The following GOLM1 variants were observed in gnomAD, a reference collection of about 807,000 sequenced individuals.
The protein encoded by GOLM1 is epididymis luminal protein 46.
A neutral mutation model predicts 50.5 loss-of-function variants in GOLM1; 31 were observed. The ratio of observed to expected loss-of-function variants is 0.61; its 90% confidence interval spans 0.46 to 0.83. The LOEUF (loss-of-function observed/expected upper bound fraction) is 0.83, where lower values mean the gene tolerates loss of function less well. Among genes scored for constraint, GOLM1 ranks in the 40% least tolerant of loss-of-function variants. The pLI, the probability that GOLM1 is intolerant of heterozygous loss-of-function variation, is 0.00. For missense variants in GOLM1, 491 were observed against 501.3 expected (o/e 0.98, Z 0.20); for synonymous variants, 178 against 192.8 (o/e 0.92, Z 0.64).
intron 3 of GOLM1, among the ~76,000 whole-genome samples, chr9:86,073,362 C>T (rs1417809469): frequency 6.6e-6 from 1 of 152,068 alleles, no homozygotes; most frequent in African/African-American, 2.4e-5. Context: ...TTCATAAGCT[C>T]GCAGGTGGTT....
chr9:86,051,577 T>A (rs1833753744), intron 4 of GOLM1, among the ~76,000 whole-genome samples: 1 of 152,186 alleles, frequency 6.6e-6, no homozygotes, highest in South Asian at 2.1e-4. Context: ...CAAACTAGTC[T>A]ACATGGCAGA....
chr9:86,075,159 A>G (rs1012314196), intron 3 of GOLM1, among the ~76,000 whole-genome samples: 1 of 152,196 alleles, frequency 6.6e-6, no homozygotes, highest in South Asian at 2.1e-4. Context: ...TCACCAGATG[A>G]ATCTGCCCCG....
At chr9:86,035,883 C>CAAAAAAA (rs1352651455) in intron 7 of GOLM1, among the ~76,000 whole-genome samples, 2 of 99,440 alleles carry the variant, frequency 2.0e-5, no homozygotes, top group Non-Finnish European at 4.0e-5. Flanking sequence ...AAAAACAAAA[C>CAAAAAAA]AAAAAAAAAA....
In GOLM1 at chr9:86,046,079, A is replaced by G. The variant is rs76648858; in HGVS notation, c.467+391T>C. 9.9e-3 allele frequency among the ~76,000 whole-genome samples: 1,515 copies of G among 152,358 alleles called. 19 individuals carry two copies. The highest frequency in any genetic ancestry group is 0.032 in the African/African-American group (1,329 of 41,584). On this transcript the variant is annotated intron_variant, in intron 5 of 9. Transcript: ENST00000388712. The stretch of plus-strand genomic sequence containing the variant: ...AATCACTGAAAAGTCTGAAGAAAAC[A>G]ATGTCCACAATGTGATCGCCAGGCA...
At chr9:86,055,589 A>G (rs1178330676) in intron 3 of GOLM1, among the ~76,000 whole-genome samples, 2 of 152,218 alleles carry the variant, frequency 1.3e-5, no homozygotes, top group Non-Finnish European at 2.9e-5. Context: ...TACACATACA[A>G]TGAAATATTA....
At chr9:86,081,490 C>G (rs1228832931) in intron 1 of GOLM1, among the ~76,000 whole-genome samples, 1 of 152,086 alleles carries the variant, frequency 6.6e-6, no homozygotes, top group African/African-American at 2.4e-5. Context: ...GCCACCGTGC[C>G]CAGCTAACCT....
chr9:86,040,899 G>C (rs1199278340), intron 5 of GOLM1, 31 bp from the exon 6 acceptor site: 1 of 1,606,054 alleles, frequency 6.2e-7, no homozygotes, highest in Admixed American at 1.7e-5. Flanking sequence ...GGAAGGGCCT[G>C]ACGTCTATGA....
chr9:86,079,304 T>C lies in GOLM1; in HGVS notation c.17A>G (p.Asn6Ser). ...CGGCGACTTCATGCTGCGACGCCCG[T>C]TTCCCAAGCCCATCATCTCAAAATC... is the stretch of plus-strand genomic sequence containing the variant. MMGLG[N>S]GRRSMKSPPL... Residue 6 changes from asparagine (N) to serine (S), a missense_variant, in exon 2 of 10, where the codon AAC (asparagine) becomes AGC (serine). Transcript: ENST00000388712. The C allele has an allele frequency of 6.3e-7, 1 of 1,597,808 alleles. No homozygotes were observed. Among genetic ancestry groups the C allele is most frequent in the Non-Finnish European group, 8.5e-7 (1 of 1,172,334 alleles).
In GOLM1 at chr9:86,045,877, A is replaced by G. The variant is rs529694211; in HGVS notation, c.467+593T>C. Among the ~76,000 whole-genome samples the G allele has an allele frequency of 7.2e-5, 11 of 152,224 alleles. No individual in the cohort carries two copies. The South Asian group carries it at 8.3e-4, about 11-fold the overall frequency. On this transcript the variant is annotated intron_variant, in intron 5 of 9. Transcript: ENST00000388712. ...GGTGGTTGGTTCTCTCTGAATCCCA[A>G]ACTTCCCACACGTTAGCTATATTGT...
intron 6 of GOLM1, among the ~76,000 whole-genome samples, chr9:86,037,443 A>G (rs973987439): frequency 4.6e-5 from 7 of 151,550 alleles, no homozygotes; most frequent in Non-Finnish European, 8.8e-5. Flanking sequence ...TCTCTCAAAA[A>G]AAAAAAAAAA....
intron 4 of GOLM1, among the ~76,000 whole-genome samples, chr9:86,047,323 AG>A (rs1371412900): frequency 6.6e-6 from 1 of 152,224 alleles, no homozygotes; most frequent in Non-Finnish European, 1.5e-5. Context: ...CAGACAGGCC[AG>A]GACAGATGCA....
chr9:86,035,670 TTAAA>T, intron 7 of GOLM1, 45 bp from the exon 8 acceptor site: 1 of 1,296,994 alleles, frequency 7.7e-7, no homozygotes, highest in Non-Finnish European at 1.0e-6. Context: ...AGCATTTGAT[TTAAA>T]AAAAAAAAAA....
chr9:86,090,753 G>C (rs1387286405), intron 1 of GOLM1, among the ~76,000 whole-genome samples: 1 of 131,554 alleles, frequency 7.6e-6, no homozygotes, highest in African/African-American at 3.0e-5. Context: ...GAACAGTTCT[G>C]TCTCGCTGGC....
Position 86,090,260 on chromosome 9 carries a change from A to T in GOLM1, c.-22+9151T>A, listed in dbSNP as rs117048554. 6.6e-4 allele frequency among the ~76,000 whole-genome samples: 100 copies of T among 152,314 alleles called. 2 individuals carry two copies. In the East Asian group the frequency reaches 0.018, roughly 27 times the overall value. ...TTGAAGAGGCAGTCTGTCCCCTAGC[A>T]GACTTTGAGTGTTATGCTGGGAGAT... On this transcript the variant is annotated intron_variant, in intron 1 of 9. Coordinates refer to ENST00000388712, the MANE Select transcript of GOLM1 (RefSeq NM_016548.4).
chr9:86,098,556 C>G (rs1835422864), intron 1 of GOLM1, among the ~76,000 whole-genome samples: 1 of 152,172 alleles, frequency 6.6e-6, no homozygotes, highest in South Asian at 2.1e-4. Flanking sequence ...GTGAAAGTCA[C>G]ACAAGTTTAG....
chr9:86,081,343 T>C (rs1834778759), intron 1 of GOLM1, among the ~76,000 whole-genome samples: 1 of 151,798 alleles, frequency 6.6e-6, no homozygotes, highest in African/African-American at 2.4e-5. Flanking sequence ...ATTACAGGCA[T>C]GCACCACCAC....
chr9:86,041,385 G>A (rs1833343771), intron 5 of GOLM1, among the ~76,000 whole-genome samples: 1 of 152,214 alleles, frequency 6.6e-6, no homozygotes, highest in African/African-American at 2.4e-5. Context: ...CTCCTCCAGG[G>A]AAGGGAGGAG....
At chr9:86,066,370 TGAC>T (rs1410278314) in intron 3 of GOLM1, among the ~76,000 whole-genome samples, 2 of 152,176 alleles carry the variant, frequency 1.3e-5, no homozygotes, top group Non-Finnish European at 1.5e-5. Flanking sequence ...CAGGCAAGCA[TGAC>T]AACAGTGAGG....
At chr9:86,037,454 A>G (rs185645606) in intron 6 of GOLM1, among the ~76,000 whole-genome samples, 2,387 of 150,570 alleles carry the variant, frequency 0.016, 68 homozygotes, top group African/African-American at 0.056. Flanking sequence ...AAAAAAAAAA[A>G]AAAAGAAAAT....
Sources: allele counts gnomAD v4.1 joint callset (sites outside exome capture counted in the v4.1 genomes callset), GRCh38; gene constraint gnomAD v4.1.1; transcripts MANE v1.5; gene names NCBI Gene and HGNC (gene_info 2026-07-23, HGNC 2026-07-21).